TAMM41: variants seen among roughly 807,000 people sequenced by gnomAD.
TAMM41 encodes phosphatidate cytidylyltransferase, mitochondrial.
A neutral mutation model predicts 44.1 loss-of-function variants in TAMM41; 36 were observed. The ratio of observed to expected loss-of-function variants is 0.82; its 90% CI spans 0.63 to 1.08. The LOEUF (loss-of-function observed/expected upper bound fraction) is 1.08. Among genes scored for constraint, TAMM41 ranks in the 50% least tolerant of loss-of-function variants. The pLI, the probability that TAMM41 is intolerant of heterozygous loss-of-function variation, is 0.00. For missense variants in TAMM41, 417 were observed against 404.3 expected, an observed-to-expected ratio of 1.03 and a Z score of -0.27; for synonymous variants, 164 against 153.1, an observed-to-expected ratio of 1.07 and a Z score of -0.53.
intron 7 of TAMM41, chr3:11,807,145 G>T: frequency 8.1e-7 from 1 of 1,232,276 alleles, no homozygotes; most frequent in Non-Finnish European, 1.0e-6. Context: ...AGTAAATGGG[G>T]GACCCCCTAG....
intron 5 of TAMM41, among the ~76,000 whole-genome samples, chr3:11,816,781 A>G (rs567609046): frequency 1.2e-3 from 187 of 151,804 alleles, no homozygotes; most frequent in African/African-American, 4.4e-3. Flanking sequence ...CCCCAAAAAA[A>G]GAAAAAAAAA....
At chr3:11,740,589 CT>C in the TAMM41 span, among the ~76,000 whole-genome samples, 3 of 148,878 alleles carry the variant, frequency 2.0e-5, no homozygotes, top group East Asian at 2.0e-4. Context: ...ATTTCTTTTT[CT>C]TTTTTTTTTG....
chr3:11,732,029 G>A, the TAMM41 span, among the ~76,000 whole-genome samples: 2 of 152,026 alleles, frequency 1.3e-5, no homozygotes, highest in Non-Finnish European at 2.9e-5. Context: ...ACCATGCCGG[G>A]CTAATTTTTG....
the TAMM41 span, among the ~76,000 whole-genome samples, chr3:11,730,561 C>A: frequency 6.6e-6 from 1 of 152,162 alleles, no homozygotes; most frequent in South Asian, 2.1e-4. Flanking sequence ...AGTGAAACCC[C>A]ATCTGTACTA....
downstream of TAMM41, chr3:11,790,437 C>T (rs546487342): frequency 6.4e-6 from 9 of 1,407,516 alleles, no homozygotes; most frequent in African/African-American, 1.3e-4. Flanking sequence ...AAGTAACAAA[C>T]ACTGTTCTGT....
At chr3:11,746,083 G>C in the TAMM41 span, among the ~76,000 whole-genome samples, 1 of 152,182 alleles carries the variant, frequency 6.6e-6, no homozygotes, top group Admixed American at 6.5e-5. Flanking sequence ...GGTGGATCAC[G>C]AGGTCAGGAG....
chr3:11,722,375 A>G, the TAMM41 span, among the ~76,000 whole-genome samples: 3 of 152,102 alleles, frequency 2.0e-5, no homozygotes. Context: ...CTGTAAGAAA[A>G]AGGGGGGTTG....
At chr3:11,796,561 C>T (rs553100552) in intron 7 of TAMM41, among the ~76,000 whole-genome samples, 1 of 152,120 alleles carries the variant, frequency 6.6e-6, no homozygotes, top group East Asian at 1.9e-4. Flanking sequence ...GGAGGTTGCA[C>T]AGGGGAGGAG....
At chr3:11,826,304 C>T (rs532186543) in intron 4 of TAMM41, among the ~76,000 whole-genome samples, 65 of 152,182 alleles carry the variant, frequency 4.3e-4, no homozygotes, top group African/African-American at 1.3e-3. Flanking sequence ...GAGGCCGAGG[C>T]GGGAGGATCG....
chr3:11,801,496 C>T (rs2077753381), intron 7 of TAMM41, among the ~76,000 whole-genome samples: 1 of 151,980 alleles, frequency 6.6e-6, no homozygotes, highest in Non-Finnish European at 1.5e-5. Context: ...AGCTGCACAG[C>T]TAATTTTTTT....
chr3:11,816,384 T>C (rs7618099), intron 5 of TAMM41, among the ~76,000 whole-genome samples: 23,073 of 152,150 alleles, frequency 0.15, 3,927 homozygotes, highest in East Asian at 0.48. Flanking sequence ...TTTGAATATG[T>C]ATGAGCCCAT....
chr3:11,730,948 A>G, the TAMM41 span, among the ~76,000 whole-genome samples: 1 of 152,124 alleles, frequency 6.6e-6, no homozygotes, highest in Non-Finnish European at 1.5e-5. Flanking sequence ...ATACGTTGGT[A>G]TTGGACGGAC....
chr3:11,833,036 T>C, intron 3 of TAMM41: 1 of 1,126,734 alleles, frequency 8.9e-7, no homozygotes, highest in South Asian at 1.9e-5. Context: ...AAGATTCTGC[T>C]ACTGTGCTGA....
At chr3:11,774,469 C>G in the TAMM41 span, among the ~76,000 whole-genome samples, 1 of 152,156 alleles carries the variant, frequency 6.6e-6, no homozygotes, top group Non-Finnish European at 1.5e-5. Context: ...CCAAGATGGA[C>G]AGAAGAGGGA....
At chr3:11,739,736 T>C in the TAMM41 span, among the ~76,000 whole-genome samples, 1 of 144,378 alleles carries the variant, frequency 6.9e-6, no homozygotes, top group Admixed American at 6.9e-5. Flanking sequence ...TGAGTGAGGA[T>C]ACTGGATATT....
the TAMM41 span, among the ~76,000 whole-genome samples, chr3:11,744,372 A>G: frequency 6.6e-6 from 1 of 151,966 alleles, no homozygotes; most frequent in East Asian, 2.0e-4. Context: ...CCGGCCAAGA[A>G]TAACACTTCT....
At chr3:11,763,057 A>G in the TAMM41 span, among the ~76,000 whole-genome samples, 1 of 152,212 alleles carries the variant, frequency 6.6e-6, no homozygotes, top group South Asian at 2.1e-4. Context: ...TAAATAAATA[A>G]AAGAAATTGA....
chr3:11,801,783 C>T (rs1292438348), intron 7 of TAMM41, among the ~76,000 whole-genome samples: 3 of 152,040 alleles, frequency 2.0e-5, no homozygotes, highest in South Asian at 2.1e-4. Flanking sequence ...TAATGCCATA[C>T]CTCAAGGCAT....
chr3:11,807,954 T>A, intron 6 of TAMM41, 59 bp from the exon 7 acceptor site: 1 of 1,465,438 alleles, frequency 6.8e-7, no homozygotes, highest in East Asian at 2.5e-5. Context: ...TTAGTCATCT[T>A]AACAGTTTTA....
Sources: allele counts gnomAD v4.1 joint callset (sites outside exome capture counted in the v4.1 genomes callset), GRCh38; gene constraint gnomAD v4.1.1; transcripts MANE v1.5; gene names NCBI Gene and HGNC (gene_info 2026-07-23, HGNC 2026-07-21).